Variants in C13orf46 observed in about 807,000 individuals in gnomAD.
The protein encoded by C13orf46 is uncharacterized protein C13orf46.
intron 5 of C13orf46, among the ~76,000 whole-genome samples, chr13:113,965,625 GATGATGACA>G (rs2052628175): frequency 6.6e-6 from 1 of 152,032 alleles, no homozygotes; most frequent in Non-Finnish European, 1.5e-5. Flanking sequence ...TGATGGTGGT[GATGATGACA>G]GTGATGATGA....
the C13orf46 span, among the ~76,000 whole-genome samples, chr13:113,935,666 C>T: frequency 4.6e-5 from 7 of 152,242 alleles, no homozygotes; most frequent in Admixed American, 1.3e-4. Context: ...GGGTTACCCA[C>T]GGCAACCATT....
downstream of C13orf46, among the ~76,000 whole-genome samples, chr13:113,949,091 G>A (rs2052479827): frequency 6.6e-6 from 1 of 152,196 alleles, no homozygotes; most frequent in Admixed American, 6.5e-5. Context: ...AATCACCAAT[G>A]ACCAATGACT....
rs2052506517 is a variant in C13orf46 at position 113,954,680 on chromosome 13, C to T, written c.*2093G>A. On this transcript the variant is annotated 3_prime_UTR_variant, in exon 7 of 7. Coordinates refer to ENST00000636427, the MANE Select transcript of C13orf46 (RefSeq NM_001365455.2). ...GGAGCTGCAGCTCACACGAGGCCCA[C>T]AAAGGGCTGAGCCTCCCCTGCTGTG... 6.4e-6 allele frequency: 1 copy of T among 155,932 alleles called. No individual in the cohort carries two copies. The highest frequency in any genetic ancestry group is 1.4e-5 in the Non-Finnish European group (1 of 70,726). 9.7% of individuals were successfully genotyped at this position (155,932 alleles called of 1,614,324 possible).
chr13:113,936,711 C>T, the C13orf46 span, among the ~76,000 whole-genome samples: 1 of 151,428 alleles, frequency 6.6e-6, no homozygotes, highest in Non-Finnish European at 1.5e-5. Flanking sequence ...AGGGCGCTTG[C>T]TGCTGACTGG....
the C13orf46 span, among the ~76,000 whole-genome samples, chr13:113,944,353 T>C: frequency 6.6e-6 from 1 of 152,214 alleles, no homozygotes. Flanking sequence ...GCTGAGGCCA[T>C]CCTGCTGCCT....
downstream of C13orf46, among the ~76,000 whole-genome samples, chr13:113,949,654 G>C (rs969602577): frequency 9.9e-5 from 15 of 152,242 alleles, no homozygotes; most frequent in African/African-American, 3.1e-4. Flanking sequence ...GACAGTGTCA[G>C]GCCCTCACAC....
At chr13:113,966,467 T>G (rs2052649696) in intron 5 of C13orf46, among the ~76,000 whole-genome samples, 1 of 151,670 alleles carries the variant, frequency 6.6e-6, no homozygotes, top group African/African-American at 2.4e-5. Context: ...ACGGTGGTGA[T>G]GATTATAATG....
intron 6 of C13orf46, among the ~76,000 whole-genome samples, chr13:113,960,235 G>A (rs1385337080): frequency 1.4e-5 from 2 of 147,064 alleles, no homozygotes; most frequent in African/African-American, 2.5e-5. Context: ...CAGCCTGGGC[G>A]ACAGAGCGAG....
At chr13:113,970,120 A>T in intron 2 of C13orf46, 51 bp downstream of exon 2, 1 of 152,048 alleles carries the variant, frequency 6.6e-6, no homozygotes, top group Middle Eastern at 3.4e-3. Context: ...TGTCCACCTC[A>T]CTTTTCCCAG....
At chr13:113,958,583 C>T (rs994856814) in intron 6 of C13orf46, among the ~76,000 whole-genome samples, 2 of 152,346 alleles carry the variant, frequency 1.3e-5, no homozygotes, top group African/African-American at 2.4e-5. Flanking sequence ...ATTCTGCATG[C>T]GCCCAGCCCC....
chr13:113,967,830 C>A (rs1018883641), intron 4 of C13orf46, among the ~76,000 whole-genome samples: 7 of 152,172 alleles, frequency 4.6e-5, no homozygotes, highest in African/African-American at 1.7e-4. Flanking sequence ...ACACTCCACA[C>A]CAAGGAGCAG....
rs557104361 is a variant in C13orf46, at chr13:113,972,494, G to A, written c.190+1314C>T. Reference sequence around the variant, plus strand: ...AAGGGGAGGCGGAGCTGCCGAGGCCGCGGGAGGGGAGGGGAGCGCCAGCTC... The same window carrying A: ...AAGGGGAGGCGGAGCTGCCGAGGCCACGGGAGGGGAGGGGAGCGCCAGCTC... On this transcript the variant is annotated intron_variant, in intron 1 of 6. Coordinates refer to ENST00000636427, the MANE Select transcript of C13orf46 (RefSeq NM_001365455.2). Among the ~76,000 whole-genome samples, 29 of 152,264 alleles carry A rather than the reference G, an allele frequency of 1.9e-4. No individual in the cohort carries two copies. In the South Asian group the frequency reaches 2.3e-3, roughly 12 times the overall value.
the C13orf46 span, among the ~76,000 whole-genome samples, chr13:113,945,789 C>T: frequency 1.2e-4 from 19 of 152,262 alleles, no homozygotes; most frequent in East Asian, 7.7e-4. Context: ...GGCGTCGAAT[C>T]GTCAGTCTGT....
chr13:113,966,016 GTGA>G (rs1159963655), intron 5 of C13orf46, among the ~76,000 whole-genome samples: 8 of 150,744 alleles, frequency 5.3e-5, no homozygotes, highest in South Asian at 2.1e-4. Flanking sequence ...GATGATGGTG[GTGA>G]TGATGGTCAT....
intron 1 of C13orf46, among the ~76,000 whole-genome samples, chr13:113,973,447 G>A (rs753480011): frequency 6.6e-6 from 1 of 152,148 alleles, no homozygotes; most frequent in African/African-American, 2.4e-5. Context: ...GTCCCCTCAC[G>A]TGTAAATTGT....
chr13:113,973,651 T>A (rs2138999690), intron 1 of C13orf46, among the ~76,000 whole-genome samples, 157 bp downstream of exon 1: 1 of 152,292 alleles, frequency 6.6e-6, no homozygotes, highest in East Asian at 1.9e-4. Flanking sequence ...TGGACACACG[T>A]CGTTGGACCT....
intron 2 of C13orf46, among the ~76,000 whole-genome samples, chr13:113,969,367 T>C (rs2052680454): frequency 6.6e-6 from 1 of 152,244 alleles, no homozygotes; most frequent in Non-Finnish European, 1.5e-5. Flanking sequence ...TAAAGGTGTG[T>C]GGTCTTCCCA....
the C13orf46 span, among the ~76,000 whole-genome samples, chr13:113,948,277 C>A: frequency 6.6e-6 from 1 of 152,236 alleles, no homozygotes; most frequent in African/African-American, 2.4e-5. Context: ...CTGGCACCTG[C>A]CTCCTGGGAC....
chr13:113,951,020 G>C (rs1488627757), downstream of C13orf46, among the ~76,000 whole-genome samples: 1 of 148,800 alleles, frequency 6.7e-6, no homozygotes, highest in African/African-American at 2.5e-5. Flanking sequence ...GAAGGACACA[G>C]GGGAATTTCC....
Sources: gnomAD v4.1 joint callset for allele counts (sites outside exome capture counted in the v4.1 genomes callset) on GRCh38, gnomAD v4.1.1 for gene constraint, MANE v1.5 for transcripts, NCBI Gene and HGNC (gene_info 2026-07-23, HGNC 2026-07-21) for gene names.